DLG2: variants seen among roughly 807,000 people sequenced by gnomAD.
DLG2 encodes discs large MAGUK scaffold protein 2.
Under a neutral mutation model 132.5 loss-of-function variants are expected in DLG2, and 45 were observed. That is an observed-to-expected ratio of 0.34 (90% CI 0.27 to 0.44). The LOEUF is 0.44. Ranked by LOEUF, DLG2 falls within the 20% of genes least tolerant of loss-of-function variation. The pLI is 1.00. For synonymous variants in DLG2, 424 were observed against 419.6 expected, an observed-to-expected ratio of 1.01 and a Z score of -0.13; for missense variants, 1,045 against 1,196.9, an observed-to-expected ratio of 0.87 and a Z score of 1.87.
chr11:83,921,184 G>A (rs2077816104), intron 15 of DLG2, among the ~76,000 whole-genome samples: 2 of 152,054 alleles, frequency 1.3e-5, no homozygotes, highest in African/African-American at 4.8e-5. Flanking sequence ...GTTCTGCTGG[G>A]TAGGTAACAA....
At chr11:83,958,772 G>A (rs2087621012) in intron 14 of DLG2, among the ~76,000 whole-genome samples, 1 of 152,106 alleles carries the variant, frequency 6.6e-6, no homozygotes, top group Admixed American at 6.6e-5. Flanking sequence ...ACTGTTACCA[G>A]GTAATCCTTG....
At chr11:83,932,977 G>C (rs1449000093) in intron 14 of DLG2, among the ~76,000 whole-genome samples, 1 of 152,168 alleles carries the variant, frequency 6.6e-6, no homozygotes, top group Non-Finnish European at 1.5e-5. Context: ...TCCTGTGAGA[G>C]TCGCTCCAAT....
At chr11:83,789,691 G>T (rs1041814135) in intron 17 of DLG2, among the ~76,000 whole-genome samples, 1 of 152,108 alleles carries the variant, frequency 6.6e-6, no homozygotes, top group African/African-American at 2.4e-5. Context: ...GGGACTACAG[G>T]CACGTGCCAC....
chr11:85,333,580 G>T (rs2081924470), intron 3 of DLG2, among the ~76,000 whole-genome samples: 1 of 151,920 alleles, frequency 6.6e-6, no homozygotes, highest in Non-Finnish European at 1.5e-5. Context: ...TGCCATAGAG[G>T]CTCTTATTCT....
chr11:84,149,015 T>A (rs954189486), intron 9 of DLG2, among the ~76,000 whole-genome samples: 3 of 152,202 alleles, frequency 2.0e-5, no homozygotes, highest in Non-Finnish European at 4.4e-5. Flanking sequence ...CTTGTATGAC[T>A]TCTCTTGAGA....
chr11:84,273,121 C>A, intron 7 of DLG2: 3 of 1,465,978 alleles, frequency 2.0e-6, no homozygotes, highest in Non-Finnish European at 1.8e-6. Flanking sequence ...TAAAAGAATC[C>A]CTAGGAAAAT....
At chr11:84,133,769 C>T (rs1348324252) in intron 9 of DLG2, among the ~76,000 whole-genome samples, 2 of 151,970 alleles carry the variant, frequency 1.3e-5, no homozygotes, top group African/African-American at 4.8e-5. Context: ...ATGTACACCC[C>T]TATGCCCAGG....
At chr11:84,335,901 T>C (rs987935625) in intron 7 of DLG2, among the ~76,000 whole-genome samples, 1 of 152,154 alleles carries the variant, frequency 6.6e-6, no homozygotes, top group Admixed American at 6.5e-5. Context: ...AAAATGACTT[T>C]CAGTCTATGG....
rs1018237926 is a variant in DLG2 at position 84,663,203 on chromosome 11, C to T, written c.358-128472G>A. On this transcript the variant is annotated intron_variant, in intron 6 of 27. Coordinates refer to ENST00000376104, the MANE Select transcript of DLG2 (RefSeq NM_001142699.3). ...CAGAAAAACATACCAAGATATAATG[C>T]TTATTTGTAATTATGCCTTTACAGG... Among the ~76,000 whole-genome samples, 3 of 150,912 alleles carry T rather than the reference C, an allele frequency of 2.0e-5. No homozygotes were observed. The East Asian group carries it at 5.8e-4, about 29-fold the overall frequency.
At chr11:83,783,407 A>G (rs1458810181) in intron 18 of DLG2, among the ~76,000 whole-genome samples, 1 of 152,262 alleles carries the variant, frequency 6.6e-6, no homozygotes. Context: ...AAAATATGCT[A>G]AAGACTATGA....
At chr11:83,884,484 G>A (rs2067233519) in intron 15 of DLG2, among the ~76,000 whole-genome samples, 1 of 152,186 alleles carries the variant, frequency 6.6e-6, no homozygotes, top group African/African-American at 2.4e-5. Flanking sequence ...AAGGAGGCCT[G>A]CTTGCCTCTG....
At chr11:83,655,656 A>G (rs1016861378) in intron 18 of DLG2, among the ~76,000 whole-genome samples, 1 of 152,206 alleles carries the variant, frequency 6.6e-6, no homozygotes, top group African/African-American at 2.4e-5. Flanking sequence ...TATCATTTAC[A>G]TTGTATTCCT....
intron 15 of DLG2, among the ~76,000 whole-genome samples, chr11:83,926,253 G>T (rs1218643240): frequency 2.0e-5 from 3 of 152,156 alleles, no homozygotes; most frequent in Non-Finnish European, 4.4e-5. Context: ...GGTTGCTTTT[G>T]CTGACTAACC....
At chr11:85,585,592 G>A (rs1180855485) in intron 3 of DLG2, among the ~76,000 whole-genome samples, 1 of 152,110 alleles carries the variant, frequency 6.6e-6, no homozygotes, top group Non-Finnish European at 1.5e-5. Flanking sequence ...TGTCCCTTCT[G>A]TGCTAATTTT....
Position 84,923,577 on chromosome 11 carries a change from G to A in DLG2, c.357+188084C>T, listed in dbSNP as rs902396299. 1.1e-5 allele frequency: 11 copies of A among 993,274 alleles called. No homozygotes were observed. The Admixed American group carries it at 1.7e-4, about 16-fold the overall frequency. 61.5% of individuals were successfully genotyped at this position (993,274 alleles called of 1,614,324 possible). On this transcript the variant is annotated intron_variant, in intron 6 of 27. Coordinates refer to ENST00000376104, the MANE Select transcript of DLG2 (RefSeq NM_001142699.3). ...AAATACTTTACAATGGGATCGCATC[G>A]CAGACTGTAAATGAAGAGGAAACCC...
chr11:85,474,584 T>A (rs1370387159), intron 3 of DLG2, among the ~76,000 whole-genome samples: 1 of 151,940 alleles, frequency 6.6e-6, no homozygotes, highest in Non-Finnish European at 1.5e-5. Context: ...AAGACTGTAC[T>A]CTTTTGAGGT....
At chr11:83,506,964 C>A (rs906574993) in intron 21 of DLG2, among the ~76,000 whole-genome samples, 3 of 152,124 alleles carry the variant, frequency 2.0e-5, no homozygotes, top group Non-Finnish European at 4.4e-5. Flanking sequence ...GCAATCTTAG[C>A]AATCTGAGGC....
At chr11:84,138,359 T>C (rs2094692152) in intron 9 of DLG2, among the ~76,000 whole-genome samples, 1 of 152,198 alleles carries the variant, frequency 6.6e-6, no homozygotes, top group South Asian at 2.1e-4. Context: ...GGCAGAGCAG[T>C]ATGCTGCATT....
intron 12 of DLG2, among the ~76,000 whole-genome samples, chr11:83,978,508 C>T (rs767579044): frequency 8.6e-5 from 13 of 152,028 alleles, no homozygotes; most frequent in Non-Finnish European, 1.5e-4. Context: ...TAATGACAAC[C>T]TTTGTTGTCC....
Sources: gnomAD v4.1 joint callset for allele counts (sites outside exome capture counted in the v4.1 genomes callset) on GRCh38, gnomAD v4.1.1 for gene constraint, MANE v1.5 for transcripts, NCBI Gene and HGNC (gene_info 2026-07-23, HGNC 2026-07-21) for gene names.